PTK2B: variants seen among roughly 807,000 people sequenced by gnomAD.
PTK2B encodes the protein protein-tyrosine kinase 2-beta.
Under a neutral mutation model 142.9 loss-of-function variants are expected in PTK2B, and 71 were observed. The observed-to-expected ratio is 0.50, with a 90% CI of 0.41 to 0.61. PTK2B has a LOEUF of 0.61. Among genes scored for constraint, PTK2B ranks in the 20% least tolerant of loss-of-function variants. The pLI is 0.00. For synonymous variants in PTK2B, 519 were observed against 503.4 expected, an observed-to-expected ratio of 1.03 and a Z score of -0.42; for missense variants, 1,105 against 1,320.4, an observed-to-expected ratio of 0.84 and a Z score of 2.53.
intron 30 of PTK2B, among the ~76,000 whole-genome samples, chr8:27,457,975 C>CA (rs11317355): frequency 2.9e-3 from 271 of 93,958 alleles, no homozygotes; most frequent in East Asian, 7.2e-3. Context: ...AACTCAGTCT[C>CA]AAAAAAAAAA....
chr8:27,453,283 A>G, intron 28 of PTK2B, 123 bp downstream of exon 28: 1 of 1,329,474 alleles, frequency 7.5e-7, no homozygotes, highest in African/African-American at 1.4e-5. Context: ...CATGATACAG[A>G]TGAAGCCCGG....
At chr8:27,380,040 C>A (rs1806917815) in intron 1 of PTK2B, among the ~76,000 whole-genome samples, 1 of 152,194 alleles carries the variant, frequency 6.6e-6, no homozygotes, top group Non-Finnish European at 1.5e-5. Context: ...CTGCACCTGG[C>A]CCTGTGCTTT....
chr8:27,395,001 G>A lies in PTK2B; in HGVS notation c.-37-2547G>A, dbSNP rs139574531. On this transcript the variant is annotated intron_variant, in intron 1 of 30. Transcript: ENST00000346049. The stretch of plus-strand genomic sequence containing the variant: ...GTAACAGACATGGAGCTGTCATCGC[G>A]TATGAGAGTAATGTCTTCTTCTGGA... 5.5e-3 allele frequency among the ~76,000 whole-genome samples: 839 copies of A among 152,220 alleles called. 5 individuals are homozygous for A. The highest frequency in any genetic ancestry group is 0.019 in the African/African-American group (777 of 41,512).
chr8:27,451,716 C>CT, intron 27 of PTK2B: 1 of 1,417,880 alleles, frequency 7.1e-7, no homozygotes. Flanking sequence ...GCACCCTGCC[C>CT]TTCTCTCTCT....
At chr8:27,348,106 C>T (rs918700181) in intron 1 of PTK2B, among the ~76,000 whole-genome samples, 1 of 152,140 alleles carries the variant, frequency 6.6e-6, no homozygotes, top group African/African-American at 2.4e-5. Flanking sequence ...ATAAGTAAAA[C>T]GACCTCCAGA....
At chr8:27,349,379 C>A (rs1804908264) in intron 1 of PTK2B, among the ~76,000 whole-genome samples, 1 of 152,182 alleles carries the variant, frequency 6.6e-6, no homozygotes, top group Non-Finnish European at 1.5e-5. Flanking sequence ...AAATAGAACC[C>A]CGTAATAAAC....
At chr8:27,351,600 AAATT>A (rs938305041) in intron 1 of PTK2B, among the ~76,000 whole-genome samples, 8 of 152,084 alleles carry the variant, frequency 5.3e-5, no homozygotes, top group South Asian at 2.1e-4. Flanking sequence ...CAAAAAAAAT[AAATT>A]AATTAATAAA....
At chr8:27,393,784 A>G (rs956133429) in intron 1 of PTK2B, among the ~76,000 whole-genome samples, 4 of 151,888 alleles carry the variant, frequency 2.6e-5, no homozygotes, top group Admixed American at 6.6e-5. Flanking sequence ...CACTATCAAC[A>G]TCCCTCACCC....
chr8:27,333,691 CT>C (rs1803892146), intron 1 of PTK2B, among the ~76,000 whole-genome samples: 1 of 152,148 alleles, frequency 6.6e-6, no homozygotes, highest in Non-Finnish European at 1.5e-5. Context: ...CCGCTTCCCC[CT>C]GGGCCTCCCC....
chr8:27,316,841 G>C (rs954407306), intron 3 of PTK2B, among the ~76,000 whole-genome samples: 93 of 152,208 alleles, frequency 6.1e-4, no homozygotes, highest in African/African-American at 1.8e-3. Context: ...GGTCATATTT[G>C]ACTGCAAACA....
intron 1 of PTK2B, among the ~76,000 whole-genome samples, chr8:27,356,541 G>A (rs572513024): frequency 6.6e-6 from 1 of 152,346 alleles, no homozygotes; most frequent in South Asian, 2.1e-4. Context: ...CAGCTGAAAA[G>A]CCAGTGAATT....
chr8:27,453,305 G>A (rs931155467), intron 28 of PTK2B, 145 bp downstream of exon 28: 43 of 1,047,032 alleles, frequency 4.1e-5, no homozygotes, highest in East Asian at 5.1e-5. Context: ...GTTAGGGGGC[G>A]GGTGGCGGGG....
chr8:27,336,621 A>G (rs1804080890), intron 1 of PTK2B, among the ~76,000 whole-genome samples: 1 of 152,244 alleles, frequency 6.6e-6, no homozygotes, highest in South Asian at 2.1e-4. Flanking sequence ...TTTCAATCAC[A>G]TGCTAATAAC....
rs73223411 is a variant in PTK2B, at chr8:27,330,838, G to T, written c.-38+5157G>T. Among the ~76,000 whole-genome samples, 534 of 152,284 alleles carry T rather than the reference G, an allele frequency of 3.5e-3. 3 individuals carry two copies. Among genetic ancestry groups the T allele is most frequent in the Non-Finnish European group, 5.9e-3 (403 of 68,008 alleles). ...AGGTAGGCCACAGGGGGCCTGCAGG[G>T]GTGGACGCTGCTCTGAGTTTAGTGG... On this transcript the variant is annotated intron_variant, in intron 1 of 30. Transcript: ENST00000346049.
In PTK2B at chr8:27,435,220, C is replaced by T. The variant is rs180677541; in HGVS notation, c.1193-523C>T. ...CCTCATTTGCAGATAGCTATCCTTT[C>T]ACTGTGGGCTCACGTGATGAACAGA... On this transcript the variant is annotated intron_variant, in intron 13 of 30. Coordinates refer to ENST00000346049, the MANE Select transcript of PTK2B (RefSeq NM_173176.3). 3.5e-3 allele frequency among the ~76,000 whole-genome samples: 537 copies of T among 152,322 alleles called. 9 individuals are homozygous for T. The highest frequency in any genetic ancestry group is 0.012 in the African/African-American group (505 of 41,562).
intron 1 of PTK2B, among the ~76,000 whole-genome samples, chr8:27,358,691 A>G (rs1805526452): frequency 1.3e-5 from 2 of 152,086 alleles, no homozygotes; most frequent in Non-Finnish European, 2.9e-5. Context: ...TGTATACTAC[A>G]TTATTTTGTT....
intron 24 of PTK2B, among the ~76,000 whole-genome samples, chr8:27,448,318 C>CACCA (rs1298596467): frequency 6.6e-6 from 1 of 152,222 alleles, no homozygotes; most frequent in African/African-American, 2.4e-5. Context: ...TTACGAGAGT[C>CACCA]ATTTTAAAAC....
intron 1 of PTK2B, among the ~76,000 whole-genome samples, chr8:27,378,523 G>T (rs1232549124): frequency 6.6e-6 from 1 of 152,132 alleles, no homozygotes; most frequent in Admixed American, 6.5e-5. Context: ...TAGATAAGGT[G>T]ATGTCTCCAA....
At position 27,420,645 on chromosome 8, in the gene PTK2B, G is replaced by C. The variant is rs538185477; in HGVS notation, c.384-12G>C. The C allele has an allele frequency of 1.2e-6, 2 of 1,611,832 alleles. No individual in the cohort carries two copies. Among genetic ancestry groups the C allele is most frequent in the Non-Finnish European group, 1.7e-6 (2 of 1,178,046 alleles). On this transcript the variant is annotated splice_polypyrimidine_tract_variant and intron_variant, in intron 3 of 30. Coordinates refer to ENST00000346049, the MANE Select transcript of PTK2B (RefSeq NM_173176.3). Reference sequence around the variant, plus strand: ...TCTCTGTGTCAACCAGAGCCTGAATGTCTTGTTGCAGGTATGACCTTCAAA... The same window carrying C: ...TCTCTGTGTCAACCAGAGCCTGAATCTCTTGTTGCAGGTATGACCTTCAAA...
Sources: gnomAD v4.1 joint callset for allele counts (sites outside exome capture counted in the v4.1 genomes callset) on GRCh38, gnomAD v4.1.1 for gene constraint, MANE v1.5 for transcripts, NCBI Gene and HGNC (gene_info 2026-07-23, HGNC 2026-07-21) for gene names.